The following PIK3R4 variants were observed in gnomAD, a reference collection of about 807,000 sequenced individuals.
PIK3R4 encodes phosphoinositide 3-kinase regulatory subunit 4.
In PIK3R4, 46 loss-of-function variants were observed where a neutral mutation model predicts 136.5. The ratio of observed to expected loss-of-function variants is 0.34; its 90% CI spans 0.27 to 0.43. The LOEUF is 0.43. Among genes scored for constraint, PIK3R4 ranks in the 20% least tolerant of loss-of-function variants. PIK3R4 has a pLI of 1.00. For missense variants in PIK3R4, 1,331 were observed against 1,649.5 expected (o/e 0.81, Z 3.35); for synonymous variants, 557 against 566.7 (o/e 0.98, Z 0.24).
At chr3:130,729,332 T>C (rs2066749940) in intron 5 of PIK3R4, among the ~76,000 whole-genome samples, 1 of 152,304 alleles carries the variant, frequency 6.6e-6, no homozygotes. Context: ...AGGCTCCTAA[T>C]TGCCTGATGC....
At chr3:130,680,804 ATT>A in intron 18 of PIK3R4, 83 bp from the exon 19 acceptor site, 1 of 918,804 alleles carries the variant, frequency 1.1e-6, no homozygotes, top group Non-Finnish European at 1.7e-6. Context: ...TCATCAATGC[ATT>A]TTTTCTTTTG....
At chr3:130,738,700 A>AG (rs1379551945) in intron 2 of PIK3R4, among the ~76,000 whole-genome samples, 1 of 152,136 alleles carries the variant, frequency 6.6e-6, no homozygotes, top group Admixed American at 6.5e-5. Flanking sequence ...AAAAAAAAAA[A>AG]AAAAGATGAG....
chr3:130,704,624 T>C (rs1213337820), intron 12 of PIK3R4, among the ~76,000 whole-genome samples: 1 of 152,142 alleles, frequency 6.6e-6, no homozygotes, highest in Admixed American at 6.5e-5. Context: ...TTTTTAAACC[T>C]ACAAATCTAG....
intron 16 of PIK3R4, among the ~76,000 whole-genome samples, chr3:130,683,533 A>T (rs985786407): frequency 2.6e-5 from 4 of 152,178 alleles, no homozygotes. Flanking sequence ...GATAAGTCAA[A>T]TAAGAAAAGG....
At chr3:130,731,915 G>C (rs1389681464) in intron 4 of PIK3R4, among the ~76,000 whole-genome samples, 3 of 152,192 alleles carry the variant, frequency 2.0e-5, no homozygotes, top group Non-Finnish European at 4.4e-5. Flanking sequence ...GCTTGAGCCT[G>C]GGAAGTCAAA....
rs1300149486 is a variant in PIK3R4, at chr3:130,733,932, T to C, written c.1066A>G (p.Asn356Asp). ...TCTGGCAGATCATGTCCACAGAGAT[T>C]GTGAATAATGTTGCCCAAATCCTTC... is the stretch of plus-strand genomic sequence containing the variant. ...IRKDLGNIIH[N>D]LCGHDLPEKA... Residue 356 changes from asparagine (N) to aspartate (D), a missense_variant, in exon 4 of 20, where the codon AAT (asparagine) becomes GAT (aspartate). Coordinates refer to ENST00000356763, the MANE Select transcript of PIK3R4 (RefSeq NM_014602.3). 2 of 1,614,180 alleles carry C rather than the reference T, an allele frequency of 1.2e-6. No homozygotes were observed. Among genetic ancestry groups the C allele is most frequent in the East Asian group, 2.2e-5 (1 of 44,882 alleles).
At chr3:130,744,168 C>CTTTAAAATTTTA (rs1444561796) in intron 2 of PIK3R4, among the ~76,000 whole-genome samples, 4 of 152,190 alleles carry the variant, frequency 2.6e-5, no homozygotes, top group Non-Finnish European at 4.4e-5. Context: ...TTGCAATATC[C>CTTTAAAATTTTA]ACGGTCACTT....
chr3:130,700,690 CAGAATGTACT>C (rs1208547641), intron 13 of PIK3R4, among the ~76,000 whole-genome samples: 6 of 152,220 alleles, frequency 3.9e-5, no homozygotes, highest in African/African-American at 1.4e-4. Context: ...TCCTCTTAGT[CAGAATGTACT>C]AGTAACATTT....
intron 14 of PIK3R4, among the ~76,000 whole-genome samples, chr3:130,688,816 T>C (rs1346061247): frequency 3.9e-5 from 6 of 152,184 alleles, no homozygotes; most frequent in East Asian, 1.9e-4. Context: ...AGGAGTCAGA[T>C]TGTAAATATT....
At chr3:130,713,543 A>T (rs2066643779) in intron 9 of PIK3R4, among the ~76,000 whole-genome samples, 1 of 151,992 alleles carries the variant, frequency 6.6e-6, no homozygotes. Context: ...GTTCCTTCCC[A>T]CTCCTTCCTT....
At chr3:130,684,551 T>C (rs1044516680) in intron 15 of PIK3R4, among the ~76,000 whole-genome samples, 170 bp from the exon 16 acceptor site, 2 of 152,236 alleles carry the variant, frequency 1.3e-5, no homozygotes, top group Non-Finnish European at 2.9e-5. Flanking sequence ...TTTCAAACAA[T>C]ACCCCTTTGG....
At chr3:130,710,641 CAT>C (rs2066628237) in intron 9 of PIK3R4, among the ~76,000 whole-genome samples, 1 of 152,022 alleles carries the variant, frequency 6.6e-6, no homozygotes, top group Non-Finnish European at 1.5e-5. Context: ...ACTGTTCACA[CAT>C]GATACAACTG....
intron 2 of PIK3R4, among the ~76,000 whole-genome samples, chr3:130,743,065 A>C (rs917897924): frequency 2.0e-5 from 3 of 152,152 alleles, no homozygotes; most frequent in African/African-American, 7.2e-5. Flanking sequence ...CTATTTCCTG[A>C]TAACTCCCAA....
At chr3:130,735,343 C>G (rs1979518) in intron 3 of PIK3R4, among the ~76,000 whole-genome samples, 38,996 of 151,968 alleles carry the variant, frequency 0.26, 5,357 homozygotes, top group South Asian at 0.36. Context: ...ATGTGGCTTA[C>G]GTGATCCCCC....
Position 130,679,292 on chromosome 3 carries a change from A to C in PIK3R4, c.*23T>G. On this transcript the variant is annotated 3_prime_UTR_variant, in exon 20 of 20. Transcript: ENST00000356763. ...TATAGTATTATATTTATAACTATTA[A>C]AATTTATACAAATCAGTAGGTTTTA... is the stretch of plus-strand genomic sequence containing the variant. 1 of 1,446,832 alleles carries C rather than the reference A, an allele frequency of 6.9e-7. No homozygotes were observed. Among genetic ancestry groups the C allele is most frequent in the South Asian group, 1.3e-5 (1 of 76,096 alleles). The allele number at this position is 1,446,832 out of a possible 1,614,324, so 89.6% of individuals were successfully genotyped here. A position where few individuals can be genotyped will look rare whatever the true frequency, so the allele number is the denominator to read the frequency against.
chr3:130,695,150 T>C (rs533239425), intron 13 of PIK3R4, among the ~76,000 whole-genome samples: 251 of 152,300 alleles, frequency 1.6e-3, no homozygotes, highest in African/African-American at 5.6e-3. Flanking sequence ...TATTATTTTT[T>C]ACATGTTGGA....
intron 13 of PIK3R4, among the ~76,000 whole-genome samples, chr3:130,695,783 GTA>G (rs899113708): frequency 3.3e-5 from 5 of 152,130 alleles, no homozygotes; most frequent in African/African-American, 7.2e-5. Context: ...AAAAACCACA[GTA>G]TACATAAGGT....
At chr3:130,710,452 A>G (rs938539567) in intron 9 of PIK3R4, among the ~76,000 whole-genome samples, 2 of 152,126 alleles carry the variant, frequency 1.3e-5, no homozygotes, top group African/African-American at 4.8e-5. Flanking sequence ...TTGTACAAAA[A>G]AAATTAATAG....
In PIK3R4 at chr3:130,705,691, C is replaced by G. The variant is rs374459272; in HGVS notation, c.2802G>C (p.Gln934His). The change falls in exon 12 of 20, where the codon CAG becomes CAC. Residue 934 changes from glutamine to histidine, a missense_variant. Physicochemically the swap from Gln to His is conservative, Grantham distance 24. Transcript: ENST00000356763. ...CAGTTTTACAAGTTGTAATTCGAATCTGATAGGTGGATGGTAAGATTGTAC... is the reference window on the plus strand; with the variant it reads ...CAGTTTTACAAGTTGTAATTCGAATGTGATAGGTGGATGGTAAGATTGTAC... ...LSSTILPSTY[Q>H]IRITTCKTEL... 5.0e-6 allele frequency: 8 copies of G among 1,612,172 alleles called. No individual in the cohort carries two copies. The highest frequency in any genetic ancestry group is 1.3e-5 in the African/African-American group (1 of 74,856).
Sources: allele counts gnomAD v4.1 joint callset (sites outside exome capture counted in the v4.1 genomes callset), GRCh38; gene constraint gnomAD v4.1.1; transcripts MANE v1.5; gene names NCBI Gene and HGNC (gene_info 2026-07-23, HGNC 2026-07-21).